FANCC: variants seen among roughly 807,000 people sequenced by gnomAD.
FANCC encodes Fanconi anemia group C protein.
A neutral mutation model predicts 71.3 loss-of-function variants in FANCC; 55 were observed. The observed-to-expected ratio is 0.77, with a 90% confidence interval of 0.62 to 0.97. FANCC has a LOEUF of 0.97. Ranked by LOEUF, FANCC falls within the 50% of genes least tolerant of loss-of-function variation. FANCC has a pLI of 0.00. For missense variants in FANCC, 678 were observed against 670.9 expected (o/e 1.01, Z -0.12); for synonymous variants, 275 against 244.9 (o/e 1.12, Z -1.15).
At chr9:95,196,444 C>A (rs1350181974) in intron 4 of FANCC, among the ~76,000 whole-genome samples, 1 of 152,142 alleles carries the variant, frequency 6.6e-6, no homozygotes, top group Non-Finnish European at 1.5e-5. Flanking sequence ...ACGCTAATAT[C>A]TGGAGCCCCT....
intron 8 of FANCC, among the ~76,000 whole-genome samples, chr9:95,132,362 G>T (rs902469020): frequency 6.6e-6 from 1 of 152,208 alleles, no homozygotes; most frequent in Admixed American, 6.5e-5. Flanking sequence ...GCCAGCCTTG[G>T]GAAACCGAAC....
At chr9:95,312,409 G>A (rs1310706443) in intron 1 of FANCC, among the ~76,000 whole-genome samples, 2 of 152,258 alleles carry the variant, frequency 1.3e-5, no homozygotes, top group African/African-American at 4.8e-5. Context: ...TGTTGCCCAG[G>A]CTGGAATGCA....
rs201549126 is a variant in FANCC, at chr9:95,111,485, C to T, written c.1307G>A (p.Arg436Lys). ...LAFYYGPRDG[R>K]QQRAQTMVQV... Reference sequence around the variant, plus strand: ...CACCATAGTCTGTGCTCTCTGCTGCCTCCCATCACGGGGGCCGTAGTAGAA... The same window carrying T: ...CACCATAGTCTGTGCTCTCTGCTGCTTCCCATCACGGGGGCCGTAGTAGAA... Residue 436 changes from arginine to lysine, a missense_variant, in exon 13 of 15, where the codon AGG becomes AAG. By Grantham distance (26) the Arg-to-Lys change is conservative. Transcript: ENST00000289081. The T allele has an allele frequency of 5.6e-6, 9 of 1,613,750 alleles. No homozygotes were observed. Among genetic ancestry groups the T allele is most frequent in the Non-Finnish European group, 7.6e-6 (9 of 1,180,022 alleles).
chr9:95,108,909 CTT>C (rs59777183), intron 13 of FANCC, among the ~76,000 whole-genome samples: 58 of 144,272 alleles, frequency 4.0e-4, no homozygotes, highest in Admixed American at 4.9e-4. Context: ...TCTTCAAGAC[CTT>C]TTTTTTTTTT....
intron 1 of FANCC, among the ~76,000 whole-genome samples, chr9:95,278,019 T>C (rs1408185267): frequency 6.6e-6 from 1 of 152,176 alleles, no homozygotes; most frequent in Admixed American, 6.5e-5. Context: ...TAAAAATGAA[T>C]TGCATAAAAT....
intron 1 of FANCC, among the ~76,000 whole-genome samples, chr9:95,286,753 C>A (rs1833712844): frequency 6.6e-6 from 1 of 152,148 alleles, no homozygotes; most frequent in East Asian, 1.9e-4. Context: ...GACCCAGTGT[C>A]CAGCCACAGC....
At chr9:95,137,205 G>A (rs149335659) in intron 7 of FANCC, among the ~76,000 whole-genome samples, 229 of 152,294 alleles carry the variant, frequency 1.5e-3, no homozygotes, top group African/African-American at 4.2e-3. Flanking sequence ...CAGCAACTGG[G>A]TCCAGGGACA....
At chr9:95,170,338 T>A (rs1156957793) in intron 6 of FANCC, among the ~76,000 whole-genome samples, 2 of 151,172 alleles carry the variant, frequency 1.3e-5, no homozygotes, top group Non-Finnish European at 2.9e-5. Context: ...TGCAAAGGAT[T>A]CCTAAAGGTT....
chr9:95,264,968 CCT>C (rs1309893278), intron 1 of FANCC, among the ~76,000 whole-genome samples: 7 of 149,366 alleles, frequency 4.7e-5, no homozygotes, highest in Non-Finnish European at 7.4e-5. Flanking sequence ...TCAATTTACC[CCT>C]GTGTTTGTGG....
At chr9:95,110,387 A>G in intron 13 of FANCC, 1 of 1,023,652 alleles carries the variant, frequency 9.8e-7, no homozygotes, top group Non-Finnish European at 1.2e-6. Flanking sequence ...TGTGCCCCGT[A>G]CATCTTATTA....
chr9:95,165,750 C>CT (rs1210591614), intron 6 of FANCC, among the ~76,000 whole-genome samples: 2 of 152,026 alleles, frequency 1.3e-5, no homozygotes, highest in African/African-American at 4.8e-5. Flanking sequence ...AGTGTATATT[C>CT]TGCTGTTATT....
chr9:95,232,767 C>T (rs1305022994), intron 4 of FANCC, among the ~76,000 whole-genome samples: 2 of 152,142 alleles, frequency 1.3e-5, no homozygotes, highest in Non-Finnish European at 2.9e-5. Context: ...GTGAATATGA[C>T]CTGTTTTCTC....
chr9:95,271,924 C>CTTTTTTTTTTTTTT (rs1300486732), intron 1 of FANCC, among the ~76,000 whole-genome samples: 1 of 67,228 alleles, frequency 1.5e-5, no homozygotes, highest in Non-Finnish European at 3.1e-5. Flanking sequence ...CATCAAGCCT[C>CTTTTTTTTTTTTTT]TTCTTTTTTT....
chr9:95,270,400 G>GT (rs1417282094), intron 1 of FANCC, among the ~76,000 whole-genome samples: 1 of 152,134 alleles, frequency 6.6e-6, no homozygotes, highest in African/African-American at 2.4e-5. Flanking sequence ...CCCGAGAACT[G>GT]TGAGAGTGCA....
chr9:95,198,051 G>A (rs1441325213), intron 4 of FANCC, among the ~76,000 whole-genome samples: 1 of 152,166 alleles, frequency 6.6e-6, no homozygotes, highest in Admixed American at 6.5e-5. Flanking sequence ...CCTAGGATGG[G>A]CAAAGGGCTC....
rs2071036990 is a variant in FANCC, at chr9:95,100,497, C to T, written c.*1210G>A. On this transcript the variant is annotated 3_prime_UTR_variant, in exon 15 of 15. Coordinates refer to ENST00000289081, the MANE Select transcript of FANCC (RefSeq NM_000136.3). ...ACTAATACACACAAATCAAAATGGA[C>T]AAAAGCAAGTCTTGACTCACTTGAC... is the stretch of plus-strand genomic sequence containing the variant. The T allele has an allele frequency of 4.3e-6, 1 of 231,994 alleles. No individual in the cohort carries two copies. Among genetic ancestry groups the T allele is most frequent in the African/African-American group, 2.2e-5 (1 of 45,242 alleles). 14.4% of individuals were successfully genotyped at this position (231,994 alleles called of 1,614,324 possible).
At chr9:95,283,985 T>C (rs1469379765) in intron 1 of FANCC, among the ~76,000 whole-genome samples, 1 of 152,242 alleles carries the variant, frequency 6.6e-6, no homozygotes. Flanking sequence ...AGGGTTGCTG[T>C]GAATAATAAA....
At chr9:95,214,222 G>A (rs564148483) in intron 4 of FANCC, among the ~76,000 whole-genome samples, 19 of 152,268 alleles carry the variant, frequency 1.2e-4, no homozygotes, top group African/African-American at 4.6e-4. Context: ...AAAGCCATGA[G>A]TTGAGAACAG....
intron 1 of FANCC, among the ~76,000 whole-genome samples, chr9:95,282,403 G>A (rs76457255): frequency 0.01 from 1,589 of 152,148 alleles, 30 homozygotes; most frequent in African/African-American, 0.037. Flanking sequence ...AAATGTATAT[G>A]CACCCAATGT....
Sources: allele counts gnomAD v4.1 joint callset (sites outside exome capture counted in the v4.1 genomes callset), GRCh38; gene constraint gnomAD v4.1.1; transcripts MANE v1.5; gene names NCBI Gene and HGNC (gene_info 2026-07-23, HGNC 2026-07-21).